RBM19: variants seen among roughly 807,000 people sequenced by gnomAD.
The protein encoded by RBM19 is probable RNA-binding protein 19.
Under a neutral mutation model 116.8 loss-of-function variants are expected in RBM19, and 94 were observed. The ratio of observed to expected loss-of-function variants is 0.80; its 90% CI spans 0.68 to 0.95. RBM19 has a LOEUF of 0.95. Ranked by LOEUF, RBM19 falls within the 40% of genes least tolerant of loss-of-function variation. RBM19 has a pLI of 0.00. For synonymous variants in RBM19, 475 were observed against 494.1 expected (o/e 0.96, Z 0.51); for missense variants, 1,161 against 1,220.7 (o/e 0.95, Z 0.73).
chr12:113,927,041 A>G lies in RBM19; in HGVS notation c.2244+13T>C, dbSNP rs751195049. ...TCCCACGCCCCTCCCTCCTGGGCTG[A>G]GAAACCACTCACTTCCTTCAGCTTC... On this transcript the variant is annotated intron_variant, in intron 17 of 23. Transcript: ENST00000261741. 1.9e-6 allele frequency: 3 copies of G among 1,611,004 alleles called. No homozygotes were observed. Among genetic ancestry groups the G allele is most frequent in the Non-Finnish European group, 2.5e-6 (3 of 1,178,622 alleles).
intron 21 of RBM19, among the ~76,000 whole-genome samples, chr12:113,899,821 A>G (rs993395206): frequency 6.6e-6 from 1 of 151,652 alleles, no homozygotes; most frequent in African/African-American, 2.4e-5. Context: ...ACCACCCAGA[A>G]TGCTGGAAGA....
chr12:113,845,179 G>A (rs1050893972), intron 22 of RBM19, among the ~76,000 whole-genome samples: 1 of 152,202 alleles, frequency 6.6e-6, no homozygotes, highest in Non-Finnish European at 1.5e-5. Context: ...TGGATGACAA[G>A]CGTGCAGGCC....
chr12:113,960,030 G>A, intron 3 of RBM19, 29 bp downstream of exon 3: 5 of 1,614,158 alleles, frequency 3.1e-6, no homozygotes, highest in Non-Finnish European at 4.2e-6. Context: ...TGGCAGTGGG[G>A]ACAGAGGCTA....
intron 16 of RBM19, among the ~76,000 whole-genome samples, chr12:113,928,443 C>CACACACAT (rs1869315384): frequency 6.6e-6 from 1 of 150,998 alleles, no homozygotes; most frequent in Non-Finnish European, 1.5e-5. Flanking sequence ...CACACACACA[C>CACACACAT]ACACACACAG....
intron 21 of RBM19, among the ~76,000 whole-genome samples, chr12:113,909,581 G>A (rs1463900807): frequency 6.6e-6 from 1 of 152,204 alleles, no homozygotes; most frequent in Admixed American, 6.5e-5. Flanking sequence ...GGAGGGAGCG[G>A]TGAAGGAAGA....
At chr12:113,847,452 T>C (rs1420608520) in intron 22 of RBM19, among the ~76,000 whole-genome samples, 1 of 152,102 alleles carries the variant, frequency 6.6e-6, no homozygotes, top group Non-Finnish European at 1.5e-5. Context: ...AAATGGCCCA[T>C]TCAGAGCTTT....
intron 20 of RBM19, among the ~76,000 whole-genome samples, chr12:113,916,476 G>A (rs1363334607): frequency 2.0e-5 from 3 of 152,284 alleles, no homozygotes; most frequent in South Asian, 4.1e-4. Flanking sequence ...CCAAGATGGT[G>A]CCCAGTGATT....
At chr12:113,853,240 G>C (rs1203625925) in intron 22 of RBM19, among the ~76,000 whole-genome samples, 1 of 152,208 alleles carries the variant, frequency 6.6e-6, no homozygotes, top group Non-Finnish European at 1.5e-5. Flanking sequence ...ACATTAACTG[G>C]TGCGACCCTA....
intron 21 of RBM19, among the ~76,000 whole-genome samples, chr12:113,873,689 T>TAAAAAA (rs146761765): frequency 2.3e-5 from 3 of 127,688 alleles, no homozygotes; most frequent in African/African-American, 8.9e-5. Flanking sequence ...AAAAATAAAT[T>TAAAAAA]AAAAAAAAAA....
At chr12:113,910,259 C>T (rs1317512446) in intron 21 of RBM19, among the ~76,000 whole-genome samples, 6 of 152,196 alleles carry the variant, frequency 3.9e-5, no homozygotes. Flanking sequence ...GGCAGGGAGG[C>T]AGGGGAGGCA....
intron 21 of RBM19, among the ~76,000 whole-genome samples, chr12:113,868,303 TG>T (rs932432267): frequency 1.3e-5 from 2 of 152,192 alleles, no homozygotes; most frequent in Non-Finnish European, 2.9e-5. Context: ...GGGGTAGATC[TG>T]TGCGTACAGT....
At chr12:113,966,168 C>T in intron 1 of RBM19, 24 bp downstream of exon 1, 1 of 1,614,228 alleles carries the variant, frequency 6.2e-7, no homozygotes, top group East Asian at 2.2e-5. Context: ...ATTTCAGATT[C>T]CCAAGTCCTG....
At chr12:113,845,285 G>A (rs1876862667) in intron 22 of RBM19, among the ~76,000 whole-genome samples, 1 of 152,098 alleles carries the variant, frequency 6.6e-6, no homozygotes, top group South Asian at 2.1e-4. Flanking sequence ...TGCTGCCAGT[G>A]CCCTTCGCTT....
intron 18 of RBM19, among the ~76,000 whole-genome samples, chr12:113,923,335 A>G (rs950885521): frequency 7.2e-5 from 11 of 152,148 alleles, no homozygotes; most frequent in African/African-American, 2.7e-4. Context: ...CGCAGCCCCC[A>G]GAAAGAACCA....
In RBM19 at chr12:113,957,846, T is replaced by C. The variant is rs10850256; in HGVS notation, c.776A>G (p.Lys259Arg). 195,463 of 1,613,790 alleles carry C rather than the reference T, an allele frequency of 0.12. 15,011 individuals are homozygous for C. The highest frequency in any genetic ancestry group is 0.38 in the African/African-American group (28,637 of 74,956). The change falls in exon 6 of 24, where the codon AAG becomes AGG. Residue 259 changes from lysine (K) to arginine (R), a missense_variant. Transcript: ENST00000261741. ...CATCCCTTGCTCTTGGCCTGCACCC[T>C]TGCTGTCTCTTTCCTGCAGGACTGG... is the stretch of plus-strand genomic sequence containing the variant. ...ATPVLQERDS[K>R]GAGQEQGMPA...
chr12:113,953,219 T>C (rs939671828), intron 7 of RBM19, among the ~76,000 whole-genome samples: 2 of 152,238 alleles, frequency 1.3e-5, no homozygotes, highest in African/African-American at 4.8e-5. Context: ...CCAGGTGCGG[T>C]GGCTCACGCC....
In RBM19 at chr12:113,962,350, T is replaced by C. The variant is rs750181193; in HGVS notation, c.101A>G (p.Lys34Arg). 2 of 1,614,238 alleles carry C rather than the reference T, an allele frequency of 1.2e-6. No homozygotes were observed. The highest frequency in any genetic ancestry group is 1.7e-6 in the Non-Finnish European group (2 of 1,180,018). The change falls in exon 2 of 24, where the codon AAG becomes AGG. Residue 34 changes from lysine (K) to arginine (R), a missense_variant. Transcript: ENST00000261741. ...GCGGAACTTGCCATCTTTGGTGAAC[T>C]TCAGGCTGCAGTCTGTCAGCGTGCC... is the stretch of plus-strand genomic sequence containing the variant. ...AFGTLTDCSL[K>R]FTKDGKFRKF...
chr12:113,852,999 T>C (rs1213225784), intron 22 of RBM19, among the ~76,000 whole-genome samples: 1 of 152,252 alleles, frequency 6.6e-6, no homozygotes, highest in African/African-American at 2.4e-5. Context: ...CCGGCCTTAA[T>C]GAGCTTTGTC....
chr12:113,831,035 G>T lies in RBM19; in HGVS notation c.2786-7714C>A, dbSNP rs554623341. Among the ~76,000 whole-genome samples, 14 of 152,326 alleles carry T rather than the reference G, an allele frequency of 9.2e-5. 1 individual carries two copies. Among genetic ancestry groups the T allele is most frequent in the African/African-American group, 3.4e-4 (14 of 41,574 alleles). ...TGCATTGTGCGTAAGGGGAAGCCCA[G>T]CCTTCGTATAAACGTGCAGCCATTC... is the stretch of plus-strand genomic sequence containing the variant. On this transcript the variant is annotated intron_variant, in intron 23 of 23. Coordinates refer to ENST00000261741, the MANE Select transcript of RBM19 (RefSeq NM_016196.4).
Sources: gnomAD v4.1 joint callset for allele counts (sites outside exome capture counted in the v4.1 genomes callset) on GRCh38, gnomAD v4.1.1 for gene constraint, MANE v1.5 for transcripts, NCBI Gene and HGNC (gene_info 2026-07-23, HGNC 2026-07-21) for gene names.